PPP1R37: variants seen among roughly 807,000 people sequenced by gnomAD.
PPP1R37 encodes the protein leucine rich repeat containing 68.
PPP1R37 carries 21 observed loss-of-function variants against 61.0 expected under a neutral mutation model. That is an observed-to-expected ratio of 0.34 (90% CI 0.24 to 0.50). The LOEUF (loss-of-function observed/expected upper bound fraction) is 0.50, where lower values mean the gene tolerates loss of function less well. Among genes scored for constraint, PPP1R37 ranks in the 20% least tolerant of loss-of-function variants. The probability of loss-of-function intolerance (pLI) is 0.98; values close to 1 mark genes in which losing one functional copy is unlikely to be tolerated. For synonymous variants in PPP1R37, 443 were observed against 433.5 expected, an observed-to-expected ratio of 1.02 and a Z score of -0.27; for missense variants, 910 against 952.7, an observed-to-expected ratio of 0.96 and a Z score of 0.59.
intron 1 of PPP1R37, among the ~76,000 whole-genome samples, chr19:45,107,924 A>G (rs567281916): frequency 6.6e-6 from 1 of 152,314 alleles, no homozygotes; most frequent in Admixed American, 6.5e-5. Flanking sequence ...CCATTTCCGC[A>G]TTGCTGAGCG....
chr19:45,115,040 G>A (rs1364351780), intron 1 of PPP1R37, among the ~76,000 whole-genome samples: 1 of 152,104 alleles, frequency 6.6e-6, no homozygotes. Context: ...TTTCTTAGTG[G>A]TTCAGGCATG....
At position 45,145,818 on chromosome 19, in the gene PPP1R37, A is replaced by ACCCCCCCCCCCCCCCCC; in HGVS notation, c.1766_1767insCCCCCCCCCCCCCCCCC (p.Ser591ProfsTer53). The ACCCCCCCCCCCCCCCCC allele has an allele frequency of 3.9e-6, 1 of 254,878 alleles. No homozygotes were observed. Among genetic ancestry groups the ACCCCCCCCCCCCCCCCC allele is most frequent in the South Asian group, 4.8e-5 (1 of 20,946 alleles). 15.8% of individuals were successfully genotyped at this position (254,878 alleles called of 1,614,324 possible). On this transcript the variant is annotated frameshift_variant, in exon 11 of 13. Coordinates refer to ENST00000221462, the MANE Select transcript of PPP1R37 (RefSeq NM_019121.2). LOFTEE classifies it high-confidence loss of function. ...GAGGGCAGAGCCCCCTGCGTCCCCC[A>ACCCCCCCCCCCCCCCCC]CCCCTCCCTCTCCCCCACCCCCTCC... is the stretch of plus-strand genomic sequence containing the variant.
chr19:45,103,213 C>T lies in PPP1R37; in HGVS notation c.202+9686C>T, dbSNP rs190832758. 2.1e-3 allele frequency among the ~76,000 whole-genome samples: 321 copies of T among 152,304 alleles called. 1 individual carries two copies. The highest frequency in any genetic ancestry group is 0.01 in the Middle Eastern group (3 of 294). On this transcript the variant is annotated intron_variant, in intron 1 of 12. Transcript: ENST00000221462. ...GAAGTTGTTCTCACCCCTTCCCTTC[C>T]TCTAGGCAGCTGGTACTGAGCGGTT...
At chr19:45,107,426 A>AC (rs1288317777) in intron 1 of PPP1R37, among the ~76,000 whole-genome samples, 1 of 151,688 alleles carries the variant, frequency 6.6e-6, no homozygotes, top group Admixed American at 6.6e-5. Context: ...ACATGGTGAG[A>AC]CCCCATCTCT....
Position 45,142,448 on chromosome 19 carries a change from G to A in PPP1R37, c.864G>A (p.Val288=), listed in dbSNP as rs1599712288. ...LQILDLRNNH[V]LDSGLAYICE... is the part of the protein sequence containing the mutation. ...TCCTGGACCTCCGGAACAACCACGTGCTAGACTCGGGTGGGTGCAGTGGCC... is the reference window on the plus strand; with the variant it reads ...TCCTGGACCTCCGGAACAACCACGTACTAGACTCGGGTGGGTGCAGTGGCC... Residue 288 remains valine, a synonymous_variant, in exon 7 of 13, where the codon GTG becomes GTA. Coordinates refer to ENST00000221462, the MANE Select transcript of PPP1R37 (RefSeq NM_019121.2). The A allele has an allele frequency of 1.3e-6, 2 of 1,536,046 alleles. No homozygotes were observed. Among genetic ancestry groups the A allele is most frequent in the East Asian group, 4.9e-5 (2 of 40,902 alleles).
intron 1 of PPP1R37, chr19:45,128,424 T>C (rs954797586): frequency 1.4e-4 from 70 of 486,794 alleles, no homozygotes; most frequent in African/African-American, 1.4e-3. Context: ...AATATTGTGA[T>C]GCCTGCAGCT....
chr19:45,133,307 C>T (rs1225854348), intron 1 of PPP1R37, among the ~76,000 whole-genome samples: 1 of 152,152 alleles, frequency 6.6e-6, no homozygotes, highest in East Asian at 1.9e-4. Context: ...TTGTCTCGAA[C>T]TCCTGGCCTC....
chr19:45,127,801 CCT>C (rs1361185836), intron 1 of PPP1R37, among the ~76,000 whole-genome samples: 4 of 151,918 alleles, frequency 2.6e-5, no homozygotes, highest in Non-Finnish European at 4.4e-5. Flanking sequence ...ACAGTGAAAC[CCT>C]GTCTCTACTA....
chr19:45,127,367 A>C lies in PPP1R37; in HGVS notation c.203-11147A>C, dbSNP rs1029391801. Among the ~76,000 whole-genome samples, 15 of 151,572 alleles carry C rather than the reference A, an allele frequency of 9.9e-5. No homozygotes were observed. The East Asian group carries it at 1.4e-3, about 14-fold the overall frequency. ...AACTCCATCTCAAAAAAAAAAAAAA[A>C]AAAAAAAAACCCTAGGTGGCATGCC... On this transcript the variant is annotated intron_variant, in intron 1 of 12. Coordinates refer to ENST00000221462, the MANE Select transcript of PPP1R37 (RefSeq NM_019121.2).
intron 1 of PPP1R37, among the ~76,000 whole-genome samples, chr19:45,105,888 T>G (rs1968124068): frequency 6.6e-6 from 1 of 152,204 alleles, no homozygotes; most frequent in African/African-American, 2.4e-5. Flanking sequence ...TGTTGTTCCA[T>G]TAAAATGGAG....
In PPP1R37 at chr19:45,143,437, A is replaced by AGAGGGG. The variant is rs1968640148; in HGVS notation, c.875-82_875-77dup. The AGAGGGG allele has an allele frequency of 6.5e-6, 5 of 767,610 alleles. No individual in the cohort carries two copies. The Admixed American group carries it at 1.1e-4, about 17-fold the overall frequency. 47.5% of individuals were successfully genotyped at this position (767,610 alleles called of 1,614,324 possible). A position where few individuals can be genotyped will look rare whatever the true frequency, so the allele number is the denominator to read the frequency against. On this transcript the variant is annotated intron_variant, in intron 7 of 12. Coordinates refer to ENST00000221462, the MANE Select transcript of PPP1R37 (RefSeq NM_019121.2). ...CGGGGCCTCCATGGAGGTCCTAAGC[A>AGAGGGG]GAGGGGGTTGCTCCTACCCTGCAGT...
rs888047985 is a variant in PPP1R37 at position 45,146,001 on chromosome 19, C to A, written c.1945C>A (p.Pro649Thr). The change falls in exon 11 of 13, where the codon CCG (proline) becomes ACG (threonine). Residue 649 changes from proline (P) to threonine (T), a missense_variant. Transcript: ENST00000221462. ...PEFALALPPE[P>T]PPGPEVKGGS... ...GTTCGCCCTGGCACTGCCCCCTGAG[C>A]CGCCCCCGGGGCCTGAGGTCAAGGG... 6 of 1,533,392 alleles carry A rather than the reference C, an allele frequency of 3.9e-6. No homozygotes were observed. The African/African-American group carries it at 6.9e-5, about 18-fold the overall frequency. The allele number at this position is 1,533,392 out of a possible 1,614,324, so 95.0% of individuals were successfully genotyped here. A position where few individuals can be genotyped will look rare whatever the true frequency, so the allele number is the denominator to read the frequency against.
intron 1 of PPP1R37, among the ~76,000 whole-genome samples, chr19:45,104,112 A>G (rs1366759870): frequency 6.6e-6 from 1 of 150,956 alleles, no homozygotes. Context: ...ACACCCCTCG[A>G]TAGTCCCCTG....
At chr19:45,143,363 C>A in intron 7 of PPP1R37, 158 bp from the exon 8 acceptor site, 1 of 569,348 alleles carries the variant, frequency 1.8e-6, no homozygotes, top group East Asian at 3.0e-5. Flanking sequence ...CAGATGTGTG[C>A]CCAGGGGTGC....
At position 45,121,381 on chromosome 19, in the gene PPP1R37, G is replaced by A. The variant is rs1007032335; in HGVS notation, c.203-17133G>A. On this transcript the variant is annotated intron_variant, in intron 1 of 12. Transcript: ENST00000221462. This position sits in a 1 kb window ranked among gnomAD's most constrained non-coding sequence, Gnocchi z 4.2. ...CATGTGTCAGCCATGGCCCTCGGCTGTAAGCCCAGAAACAGACCCCTGCAG... is the reference window on the plus strand; with the variant it reads ...CATGTGTCAGCCATGGCCCTCGGCTATAAGCCCAGAAACAGACCCCTGCAG... Among the ~76,000 whole-genome samples the A allele has an allele frequency of 2.0e-5, 3 of 152,372 alleles. No individual in the cohort carries two copies. Among genetic ancestry groups the A allele is most frequent in the Admixed American group, 2.0e-4 (3 of 15,310 alleles).
intron 1 of PPP1R37, among the ~76,000 whole-genome samples, chr19:45,133,890 G>A (rs1968507242): frequency 6.6e-6 from 1 of 152,220 alleles, no homozygotes; most frequent in South Asian, 2.1e-4. Context: ...ACCTCCCCTC[G>A]TGAGTCCGCA....
At chr19:45,123,097 CCCCT>C (rs991780066) in intron 1 of PPP1R37, among the ~76,000 whole-genome samples, 3 of 152,024 alleles carry the variant, frequency 2.0e-5, no homozygotes, top group East Asian at 1.9e-4. Flanking sequence ...GCCTCCATGT[CCCCT>C]CCCTCCCTCC....
rs1968705524 is a variant in PPP1R37, at chr19:45,146,627, C to T, written c.*65C>T. ...GAGGCCAGAGCCATGAGAATCTGCT[C>T]ACCTTCCCCCCAGCCTTCCTGAGGC... On this transcript the variant is annotated 3_prime_UTR_variant, in exon 13 of 13. Coordinates refer to ENST00000221462, the MANE Select transcript of PPP1R37 (RefSeq NM_019121.2). The T allele has an allele frequency of 1.6e-6, 1 of 622,656 alleles. No homozygotes were observed. The highest frequency in any genetic ancestry group is 2.8e-6 in the Non-Finnish European group (1 of 362,344). 38.6% of individuals were successfully genotyped at this position (622,656 alleles called of 1,614,324 possible).
rs1383183386 is a variant in PPP1R37 at position 45,129,720 on chromosome 19, C to T, written c.203-8794C>T. Among the ~76,000 whole-genome samples, 3 of 152,242 alleles carry T rather than the reference C, an allele frequency of 2.0e-5. No homozygotes were observed. In the East Asian group the frequency reaches 5.8e-4, roughly 29 times the overall value. On this transcript the variant is annotated intron_variant, in intron 1 of 12. Transcript: ENST00000221462. ...TCCCCATGGTCCTATACCCTAAGCA[C>T]GACCCCCACAGACTAAGGCCAGCCC...
Sources: gnomAD v4.1 joint callset for allele counts (sites outside exome capture counted in the v4.1 genomes callset) on GRCh38, gnomAD v4.1.1 for gene constraint, Gnocchi (gnomAD v3.1) non-coding constraint, MANE v1.5 for transcripts, NCBI Gene and HGNC (gene_info 2026-07-23, HGNC 2026-07-21) for gene names.